VIT: variants seen among roughly 807,000 people sequenced by gnomAD.
VIT encodes the protein vitrin.
VIT carries 99 observed loss-of-function variants against 78.0 expected under a neutral mutation model. The observed-to-expected ratio is 1.27, with a 90% CI of 1.08 to 1.50. The LOEUF (loss-of-function observed/expected upper bound fraction) is 1.50, where lower values mean the gene tolerates loss of function less well. VIT is among the 40% of genes most tolerant of loss of function. VIT has a pLI of 0.00. For synonymous variants in VIT, 374 were observed against 334.3 expected (o/e 1.12, Z -1.29); for missense variants, 1,126 against 875.3 (o/e 1.29, Z -3.61).
rs894932468 is a variant in VIT, at chr2:36,715,968, G to A, written c.-18-385G>A. 7.9e-5 allele frequency among the ~76,000 whole-genome samples: 12 copies of A among 152,184 alleles called. No individual in the cohort carries two copies. The South Asian group carries it at 8.3e-4, about 11-fold the overall frequency. On this transcript the variant is annotated intron_variant, in intron 1 of 15. Transcript: ENST00000379242. The stretch of plus-strand genomic sequence containing the variant: ...AATAGGAGTTTAATAAATATTTATC[G>A]AATGAATAGTGAAGTATTAATAATT...
chr2:36,742,360 T>A (rs1348891536), intron 3 of VIT, among the ~76,000 whole-genome samples: 2 of 152,150 alleles, frequency 1.3e-5, no homozygotes, highest in Admixed American at 6.6e-5. Context: ...GAGGGAAGAA[T>A]GAATGAGCTT....
chr2:36,769,717 T>C (rs12616788), intron 7 of VIT, among the ~76,000 whole-genome samples: 7,714 of 152,296 alleles, frequency 0.051, 516 homozygotes, highest in African/African-American at 0.15. Context: ...AATTCACTCA[T>C]GTAAAGTACA....
chr2:36,760,336 G>C (rs994642618), intron 6 of VIT, among the ~76,000 whole-genome samples: 11 of 152,086 alleles, frequency 7.2e-5, no homozygotes, highest in African/African-American at 2.7e-4. Context: ...ATAGATCGCT[G>C]ATTTCCTGAT....
intron 12 of VIT, among the ~76,000 whole-genome samples, chr2:36,796,287 G>C: frequency 6.6e-6 from 1 of 152,156 alleles, no homozygotes; most frequent in Non-Finnish European, 1.5e-5. Flanking sequence ...TAAATTCAAT[G>C]TCTTCAAAGA....
At position 36,783,345 on chromosome 2, in the gene VIT, G is replaced by T; in HGVS notation, c.853G>T (p.Val285Phe). The T allele has an allele frequency of 1.2e-6, 2 of 1,614,062 alleles. No homozygotes were observed. Among genetic ancestry groups the T allele is most frequent in the Non-Finnish European group, 1.7e-6 (2 of 1,179,970 alleles). ...PGSVLLDEGL[V>F]PKEELSTQSL... Reference sequence around the variant, plus strand: ...AGTTTTACTGCTCTTTCCAGGACTTGTTCCAAAAGAAGAATTGAGCACACA... The same window carrying T: ...AGTTTTACTGCTCTTTCCAGGACTTTTTCCAAAAGAAGAATTGAGCACACA... Residue 285 changes from valine (V) to phenylalanine (F), a missense_variant, in exon 11 of 16, where the codon GTT becomes TTT. Transcript: ENST00000379242.
chr2:36,805,383 C>G lies in VIT; in HGVS notation c.1163-55C>G, dbSNP rs145113036. 7 of 1,513,862 alleles carry G rather than the reference C, an allele frequency of 4.6e-6. No homozygotes were observed. The African/African-American group carries it at 9.8e-5, about 21-fold the overall frequency. 93.8% of individuals were successfully genotyped at this position (1,513,862 alleles called of 1,614,324 possible). On this transcript the variant is annotated intron_variant, in intron 13 of 15. Coordinates refer to ENST00000379242, the MANE Select transcript of VIT (RefSeq NM_053276.4). ...CCTCTTTGTGCTGCTGTGATCTCTTCCTGTATTTATAATCAGCGTGATCAC... is the reference window on the plus strand; with the variant it reads ...CCTCTTTGTGCTGCTGTGATCTCTTGCTGTATTTATAATCAGCGTGATCAC...
Position 36,787,130 on chromosome 2 carries a change from C to T in VIT, c.912C>T (p.Asn304=). 1 of 1,614,174 alleles carries T rather than the reference C, an allele frequency of 6.2e-7. No individual in the cohort carries two copies. Among genetic ancestry groups the T allele is most frequent in the East Asian group, 2.2e-5 (1 of 44,890 alleles). The change falls in exon 12 of 16, where the codon AAC becomes AAT. Residue 304 remains asparagine (N), a splice_region_variant and synonymous_variant. Transcript: ENST00000379242. ...SLEPVSLGDP[N]CKIDLSFLID... ...ATAGAGTCTTTTTCCGTTCCGCAGA[C>T]TGCAAAATTGACTTGTCGTTTTTAA...
chr2:36,710,048 T>C (rs6740241), intron 1 of VIT, among the ~76,000 whole-genome samples: 102,311 of 152,026 alleles, frequency 0.67, 34,899 homozygotes, highest in African/African-American at 0.8. Flanking sequence ...TTGAGATCAA[T>C]ATTGTCTGTA....
rs148290617 is a variant in VIT at position 36,747,465 on chromosome 2, A to T, written c.275+4209A>T. On this transcript the variant is annotated intron_variant, in intron 4 of 15. Transcript: ENST00000379242. ...GGGACTAGAAGTACTTGTTTTATGAATCTGGGTCCTCCAATATTGGGTCTG... is the reference window on the plus strand; with the variant it reads ...GGGACTAGAAGTACTTGTTTTATGATTCTGGGTCCTCCAATATTGGGTCTG... 1.5e-3 allele frequency among the ~76,000 whole-genome samples: 226 copies of T among 152,244 alleles called. 1 individual carries two copies. The highest frequency in any genetic ancestry group is 5.0e-3 in the African/African-American group (207 of 41,542).
chr2:36,700,192 T>A (rs1425352195), intron 1 of VIT, among the ~76,000 whole-genome samples: 1 of 152,184 alleles, frequency 6.6e-6, no homozygotes, highest in Non-Finnish European at 1.5e-5. Flanking sequence ...CATCTCTTTA[T>A]CCAGGGAATC....
intron 4 of VIT, among the ~76,000 whole-genome samples, chr2:36,750,618 C>T (rs1391522333): frequency 3.3e-5 from 5 of 151,816 alleles, no homozygotes; most frequent in African/African-American, 1.2e-4. Flanking sequence ...GTCAGGAATT[C>T]GAGACCAGCC....
At chr2:36,716,572 G>A in intron 2 of VIT, 150 bp downstream of exon 2, 1 of 697,794 alleles carries the variant, frequency 1.4e-6, no homozygotes, top group South Asian at 2.0e-5. Flanking sequence ...GATGTTTTAA[G>A]TAAGAATGTT....
Position 36,743,090 on chromosome 2 carries a change from G to A in VIT, c.119-10G>A, listed in dbSNP as rs191510058. On this transcript the variant is annotated splice_polypyrimidine_tract_variant and intron_variant, in intron 3 of 15. Coordinates refer to ENST00000379242, the MANE Select transcript of VIT (RefSeq NM_053276.4). ...CAAGGTGTAATTTTGACCTCATTTTGTATTCCCAGCTGTGCCTCAGATCAA... is the reference window on the plus strand; with the variant it reads ...CAAGGTGTAATTTTGACCTCATTTTATATTCCCAGCTGTGCCTCAGATCAA... 51 of 1,613,692 alleles carry A rather than the reference G, an allele frequency of 3.2e-5. No individual in the cohort carries two copies. The Admixed American group carries it at 7.7e-4, about 24-fold the overall frequency.
intron 13 of VIT, among the ~76,000 whole-genome samples, chr2:36,801,893 T>C (rs1666359533): frequency 6.6e-6 from 1 of 152,166 alleles, no homozygotes; most frequent in South Asian, 2.1e-4. Context: ...AGTCCCAGCA[T>C]GCTTGGTTTG....
rs1239427510 is a variant in VIT at position 36,783,373 on chromosome 2, C to A, written c.881C>A (p.Ser294Tyr). The A allele has an allele frequency of 1.6e-5, 26 of 1,614,160 alleles. No homozygotes were observed. Among genetic ancestry groups the A allele is most frequent in the Non-Finnish European group, 2.2e-5 (26 of 1,180,022 alleles). Residue 294 changes from serine to tyrosine, a missense_variant, in exon 11 of 16, where the codon TCT becomes TAT. Transcript: ENST00000379242. ...LVPKEELSTQ[S>Y]LEPVSLGDPN... ...CCAAAAGAAGAATTGAGCACACAGT[C>A]TTTGGAGCCAGTATCCCTGGGAGAT...
At chr2:36,773,914 C>A in intron 8 of VIT, 67 bp downstream of exon 8, 1 of 1,467,502 alleles carries the variant, frequency 6.8e-7, no homozygotes, top group Non-Finnish European at 9.2e-7. Context: ...GGTTCCTCTC[C>A]ACATCTTTGC....
At chr2:36,742,711 T>C (rs1183525727) in intron 3 of VIT, among the ~76,000 whole-genome samples, 1 of 152,200 alleles carries the variant, frequency 6.6e-6, no homozygotes, top group Non-Finnish European at 1.5e-5. Flanking sequence ...TGGAATACTT[T>C]TCCTTCCTTT....
At chr2:36,777,045 C>A (rs528647093) in intron 9 of VIT, among the ~76,000 whole-genome samples, 2 of 140,198 alleles carry the variant, frequency 1.4e-5, no homozygotes, top group African/African-American at 5.0e-5. Context: ...GCCGAGATCA[C>A]GCCACTGCAC....
intron 1 of VIT, among the ~76,000 whole-genome samples, chr2:36,709,131 C>T (rs976324565): frequency 3.3e-5 from 5 of 152,142 alleles, no homozygotes; most frequent in Non-Finnish European, 1.5e-5. Flanking sequence ...GCCTGAGTGA[C>T]AGAGCGAAAC....
Sources: gnomAD v4.1 joint callset for allele counts (sites outside exome capture counted in the v4.1 genomes callset) on GRCh38, gnomAD v4.1.1 for gene constraint, MANE v1.5 for transcripts, NCBI Gene and HGNC (gene_info 2026-07-23, HGNC 2026-07-21) for gene names.